ZNF385D: variants seen among roughly 807,000 people sequenced by gnomAD.
ZNF385D encodes zinc finger protein 659.
ZNF385D carries 15 observed loss-of-function variants against 35.8 expected under a neutral mutation model. The observed-to-expected ratio is 0.42, with a 90% CI of 0.28 to 0.64. The LOEUF (loss-of-function observed/expected upper bound fraction) is 0.64. Ranked by LOEUF, ZNF385D falls within the 30% of genes least tolerant of loss-of-function variation. The pLI is 0.23. For synonymous variants in ZNF385D, 212 were observed against 186.8 expected, an observed-to-expected ratio of 1.13 and a Z score of -1.10; for missense variants, 474 against 494.6, an observed-to-expected ratio of 0.96 and a Z score of 0.39.
chr3:21,680,556 G>A (rs186899721), intron 1 of ZNF385D, among the ~76,000 whole-genome samples: 9 of 152,254 alleles, frequency 5.9e-5, no homozygotes, highest in Non-Finnish European at 1.0e-4. Context: ...GGAGCCACAT[G>A]TGATGTTTAA....
intron 3 of ZNF385D, among the ~76,000 whole-genome samples, chr3:22,115,122 T>C (rs964899106): frequency 2.6e-5 from 4 of 152,098 alleles, no homozygotes; most frequent in Non-Finnish European, 5.9e-5. Context: ...CCACTGTGTA[T>C]TCTCCCATGG....
intron 3 of ZNF385D, among the ~76,000 whole-genome samples, chr3:21,980,154 C>T (rs1374801241): frequency 6.6e-6 from 1 of 152,174 alleles, no homozygotes; most frequent in Non-Finnish European, 1.5e-5. Flanking sequence ...CAAGGAACTA[C>T]TAAGACCTCT....
At chr3:22,034,509 TG>T (rs1698196797) in intron 3 of ZNF385D, among the ~76,000 whole-genome samples, 1 of 152,046 alleles carries the variant, frequency 6.6e-6, no homozygotes, top group African/African-American at 2.4e-5. Context: ...AGAATTTACA[TG>T]GTAAAATTCT....
chr3:22,285,071 C>G (rs1035973162), intron 2 of ZNF385D, among the ~76,000 whole-genome samples: 1 of 152,040 alleles, frequency 6.6e-6, no homozygotes, highest in Non-Finnish European at 1.5e-5. Context: ...TGGCCATATA[C>G]AAGTTTAATA....
At chr3:21,610,366 C>A (rs2064633022) in intron 2 of ZNF385D, among the ~76,000 whole-genome samples, 1 of 152,108 alleles carries the variant, frequency 6.6e-6, no homozygotes, top group Non-Finnish European at 1.5e-5. Context: ...GTGTACCTGG[C>A]ATAGATATGA....
chr3:22,115,847 G>C (rs540735475), intron 3 of ZNF385D, among the ~76,000 whole-genome samples: 1 of 152,136 alleles, frequency 6.6e-6, no homozygotes, highest in African/African-American at 2.4e-5. Flanking sequence ...AAGAAAACAG[G>C]TTTTTGTTTC....
intron 2 of ZNF385D, among the ~76,000 whole-genome samples, chr3:21,642,125 C>T (rs765654288): frequency 6.6e-6 from 1 of 152,032 alleles, no homozygotes; most frequent in African/African-American, 2.4e-5. Context: ...GCACACCTAG[C>T]CTTAACCAGT....
intron 2 of ZNF385D, among the ~76,000 whole-genome samples, chr3:21,641,337 G>A (rs1397442715): frequency 2.6e-5 from 4 of 151,850 alleles, no homozygotes; most frequent in Non-Finnish European, 5.9e-5. Context: ...AAGAGGAATA[G>A]GAGGAGGAGA....
At position 21,651,913 on chromosome 3, in the gene ZNF385D, A is replaced by G. The variant is rs561199562; in HGVS notation, c.165+12973T>C. Among the ~76,000 whole-genome samples the G allele has an allele frequency of 3.9e-5, 6 of 152,324 alleles. No individual in the cohort carries two copies. In the East Asian group the frequency reaches 1.2e-3, roughly 29 times the overall value. Reference sequence around the variant, plus strand: ...AATCTACCACTTCTGAGAAATAATTAAAGGGCAGTGCTAGGAGGGTAATGT... The same window carrying G: ...AATCTACCACTTCTGAGAAATAATTGAAGGGCAGTGCTAGGAGGGTAATGT... On this transcript the variant is annotated intron_variant, in intron 2 of 7. Transcript: ENST00000281523.
At chr3:21,629,115 G>C (rs746691786) in intron 2 of ZNF385D, among the ~76,000 whole-genome samples, 3 of 152,094 alleles carry the variant, frequency 2.0e-5, no homozygotes, top group Non-Finnish European at 1.5e-5. Context: ...ATTGTGATCT[G>C]TTGATCTGTT....
chr3:21,457,833 C>T (rs1291793351), intron 4 of ZNF385D, among the ~76,000 whole-genome samples: 2 of 152,178 alleles, frequency 1.3e-5, no homozygotes, highest in Non-Finnish European at 2.9e-5. Flanking sequence ...TAATTCTGCA[C>T]TAGCCCTTGT....
At chr3:22,019,696 C>G in intron 3 of ZNF385D, among the ~76,000 whole-genome samples, 1 of 151,830 alleles carries the variant, frequency 6.6e-6, no homozygotes, top group East Asian at 1.9e-4. Context: ...TCTGGTTAAC[C>G]ATTTTGGAGA....
At chr3:22,007,850 T>C (rs1696316239) in intron 3 of ZNF385D, among the ~76,000 whole-genome samples, 1 of 151,464 alleles carries the variant, frequency 6.6e-6, no homozygotes. Context: ...TATATAGTTT[T>C]CTTTTTGTTA....
At chr3:21,503,073 C>T (rs1268739711) in intron 4 of ZNF385D, among the ~76,000 whole-genome samples, 1 of 152,100 alleles carries the variant, frequency 6.6e-6, no homozygotes, top group Non-Finnish European at 1.5e-5. Flanking sequence ...TGGAAATGTG[C>T]CCTTTTCAAA....
chr3:21,740,482 T>C (rs546437860), intron 1 of ZNF385D, among the ~76,000 whole-genome samples: 7 of 152,312 alleles, frequency 4.6e-5, no homozygotes, highest in Non-Finnish European at 8.8e-5. Context: ...ACTGTGATCC[T>C]GAATCAACTA....
In ZNF385D at chr3:21,742,547, G is replaced by A. The variant is rs369793354; in HGVS notation, c.22+8348C>T. Reference sequence around the variant, plus strand: ...ATACATTTCCCAGGCCACCTCAGTCGGCCTCGGCTCAGTTCTACCAATGAG... The same window carrying A: ...ATACATTTCCCAGGCCACCTCAGTCAGCCTCGGCTCAGTTCTACCAATGAG... On this transcript the variant is annotated intron_variant, in intron 1 of 7. Transcript: ENST00000281523. Among the ~76,000 whole-genome samples, 6 of 152,272 alleles carry A rather than the reference G, an allele frequency of 3.9e-5. No homozygotes were observed. In the East Asian group the frequency reaches 9.7e-4, roughly 25 times the overall value.
At chr3:21,848,120 T>C (rs1233016306) in intron 3 of ZNF385D, among the ~76,000 whole-genome samples, 1 of 152,052 alleles carries the variant, frequency 6.6e-6, no homozygotes, top group East Asian at 1.9e-4. Flanking sequence ...AATTGACTTA[T>C]TTCTCTTAGC....
intron 4 of ZNF385D, chr3:21,443,230 G>T (rs944091408): frequency 2.0e-6 from 2 of 985,320 alleles, no homozygotes; most frequent in Non-Finnish European, 2.4e-6. Context: ...CACTGCTTCC[G>T]CTCTGTTCTT....
chr3:21,670,359 C>G (rs1044735789), intron 1 of ZNF385D, among the ~76,000 whole-genome samples: 4 of 151,764 alleles, frequency 2.6e-5, no homozygotes, highest in Non-Finnish European at 4.4e-5. Flanking sequence ...CTAAACTCCT[C>G]CAAACATTCA....
Sources: gnomAD v4.1 joint callset for allele counts (sites outside exome capture counted in the v4.1 genomes callset) on GRCh38, gnomAD v4.1.1 for gene constraint, MANE v1.5 for transcripts, NCBI Gene and HGNC (gene_info 2026-07-23, HGNC 2026-07-21) for gene names.